The following TCF4 variants were observed in gnomAD, a reference collection of about 807,000 sequenced individuals.
TCF4 encodes the protein transcription factor 4.
A neutral mutation model predicts 82.1 loss-of-function variants in TCF4; 3 were observed. The observed-to-expected ratio is 0.04, with a 90% CI of 0.02 to 0.09. The LOEUF is 0.09. TCF4 is among the 10% of genes least tolerant of loss of function. The probability of loss-of-function intolerance (pLI) is 1.00; values close to 1 mark genes in which losing one functional copy is unlikely to be tolerated. For synonymous variants in TCF4, 276 were observed against 309.6 expected, an observed-to-expected ratio of 0.89 and a Z score of 1.14; for missense variants, 518 against 852.7, an observed-to-expected ratio of 0.61 and a Z score of 4.89.
chr18:55,564,572 T>C (rs1317256159), intron 3 of TCF4, among the ~76,000 whole-genome samples: 1 of 152,192 alleles, frequency 6.6e-6, no homozygotes, highest in Non-Finnish European at 1.5e-5. Context: ...TGTCCGGAAC[T>C]GGTTTAATCA....
At chr18:55,481,103 CAAAAAAAAAAAAAAA>C (rs74180501) in intron 3 of TCF4, among the ~76,000 whole-genome samples, 2 of 80,566 alleles carry the variant, frequency 2.5e-5, no homozygotes, top group Admixed American at 1.5e-4. Context: ...GACTCCATCT[CAAAAAAAAAAAAAAA>C]AAAAAAAAAA....
intron 6 of TCF4, among the ~76,000 whole-genome samples, chr18:55,399,041 CTAATTG>C (rs749869214): frequency 1.4e-4 from 21 of 152,186 alleles, no homozygotes; most frequent in Non-Finnish European, 2.4e-4. Context: ...TGCGCAAGGC[CTAATTG>C]GCCTCAATTG....
intron 5 of TCF4, among the ~76,000 whole-genome samples, chr18:55,453,834 C>G (rs2095676499): frequency 6.7e-6 from 1 of 149,482 alleles, no homozygotes; most frequent in Admixed American, 6.7e-5. Context: ...TATATAATTA[C>G]AAAAATATAA....
In TCF4 at chr18:55,303,470, G is replaced by A. The variant is rs1011036268; in HGVS notation, c.550-23814C>T. ...GCAACTCTAGGGAGGAATATCAGTC[G>A]AATATAAAAATCCAAGCAGACTTCC... On this transcript the variant is annotated intron_variant, in intron 8 of 19. Coordinates refer to ENST00000354452, the MANE Select transcript of TCF4 (RefSeq NM_001083962.2). Among the ~76,000 whole-genome samples, 5 of 152,126 alleles carry A rather than the reference G, an allele frequency of 3.3e-5. No homozygotes were observed. In the East Asian group the frequency reaches 5.8e-4, roughly 18 times the overall value.
intron 6 of TCF4, among the ~76,000 whole-genome samples, chr18:55,385,444 C>A (rs920147109): frequency 3.9e-5 from 6 of 152,154 alleles, no homozygotes; most frequent in African/African-American, 1.4e-4. Context: ...CTCTTGTCAC[C>A]CAGGCTGGAG....
intron 3 of TCF4, among the ~76,000 whole-genome samples, chr18:55,541,126 AT>A (rs1466494918): frequency 6.6e-6 from 1 of 152,016 alleles, no homozygotes; most frequent in Non-Finnish European, 1.5e-5. Flanking sequence ...TTCTATGCCC[AT>A]AAAGTGATAC....
chr18:55,420,899 G>GAAAAAAAAAAAAAAA (rs377458803), intron 5 of TCF4, among the ~76,000 whole-genome samples: 1 of 101,326 alleles, frequency 9.9e-6, no homozygotes. Context: ...CGCTTTAAAA[G>GAAAAAAAAAAAAAAA]AAAAAAAAAA....
At chr18:55,519,361 C>T in intron 3 of TCF4, among the ~76,000 whole-genome samples, 1 of 149,710 alleles carries the variant, frequency 6.7e-6, no homozygotes, top group Admixed American at 6.7e-5. Flanking sequence ...TTAAGCCAGG[C>T]AGGTCAAGGC....
At chr18:55,278,762 G>A (rs1229762945) in intron 9 of TCF4, among the ~76,000 whole-genome samples, 2 of 152,070 alleles carry the variant, frequency 1.3e-5, no homozygotes, top group African/African-American at 2.4e-5. Context: ...TACAGACAGG[G>A]TTTCACCATA....
At chr18:55,337,480 TGA>T (rs2078901102) in intron 8 of TCF4, among the ~76,000 whole-genome samples, 1 of 152,198 alleles carries the variant, frequency 6.6e-6, no homozygotes, top group Non-Finnish European at 1.5e-5. Flanking sequence ...AGGAAAATCT[TGA>T]GAGAGGCTAG....
At chr18:55,588,789 A>G (rs764668188), upstream of TCF4, among the ~76,000 whole-genome samples, 1 of 151,812 alleles carries the variant, frequency 6.6e-6, no homozygotes, top group Non-Finnish European at 1.5e-5. Context: ...TGAATTGCAT[A>G]CTTTCTTTCC....
chr18:55,285,066 C>G (rs1018871481), intron 8 of TCF4, among the ~76,000 whole-genome samples: 1 of 152,146 alleles, frequency 6.6e-6, no homozygotes, highest in Non-Finnish European at 1.5e-5. Context: ...TGCAGTGATA[C>G]GTCCATATTC....
intron 11 of TCF4, among the ~76,000 whole-genome samples, chr18:55,263,418 G>A (rs2058459005): frequency 6.6e-6 from 1 of 152,078 alleles, no homozygotes; most frequent in African/African-American, 2.4e-5. Flanking sequence ...TATATCTAGT[G>A]TGAAAATGAG....
intron 2 of TCF4, among the ~76,000 whole-genome samples, chr18:55,616,297 T>A (rs1246744924): frequency 6.6e-6 from 1 of 152,140 alleles, no homozygotes; most frequent in Non-Finnish European, 1.5e-5. Flanking sequence ...TGGTCACACA[T>A]GACAGGATTT....
intron 6 of TCF4, among the ~76,000 whole-genome samples, chr18:55,366,813 T>C (rs2087281419): frequency 6.6e-6 from 1 of 152,178 alleles, no homozygotes. Context: ...CTGGTGAGCA[T>C]TTTCATATGT....
chr18:55,493,866 TC>T (rs2096601463), intron 3 of TCF4, among the ~76,000 whole-genome samples: 1 of 152,032 alleles, frequency 6.6e-6, no homozygotes, highest in South Asian at 2.1e-4. Context: ...CCAATTTATT[TC>T]CCCAGGTCAA....
At chr18:55,442,115 T>G (rs551666780) in intron 5 of TCF4, among the ~76,000 whole-genome samples, 1 of 152,244 alleles carries the variant, frequency 6.6e-6, no homozygotes, top group East Asian at 1.9e-4. Flanking sequence ...TGCAAAATAG[T>G]CCATTACAAG....
intron 5 of TCF4, among the ~76,000 whole-genome samples, chr18:55,428,125 G>C (rs1481288396): frequency 2.0e-5 from 3 of 152,028 alleles, no homozygotes; most frequent in Admixed American, 2.0e-4. Flanking sequence ...AATGTCAACA[G>C]TGACCACTAA....
rs56944219 is a variant in TCF4, at chr18:55,365,966, T to TTATAGATATAGA, written c.370-14975_370-14964dup. ...TGGGACGAGCTAATTCTAAAATTGT[T>TTATAGATATAGA]TATAGATATAGATATAGATATAGAT... is the stretch of plus-strand genomic sequence containing the variant. On this transcript the variant is annotated intron_variant, in intron 6 of 19. Transcript: ENST00000354452. Among the ~76,000 whole-genome samples, 555 of 145,286 alleles carry TTATAGATATAGA rather than the reference T, an allele frequency of 3.8e-3. 5 individuals are homozygous for TTATAGATATAGA. Among genetic ancestry groups the TTATAGATATAGA allele is most frequent in the South Asian group, 0.013 (59 of 4,450 alleles).
Sources: allele counts gnomAD v4.1 joint callset (sites outside exome capture counted in the v4.1 genomes callset), GRCh38; gene constraint gnomAD v4.1.1; transcripts MANE v1.5; gene names NCBI Gene and HGNC (gene_info 2026-07-23, HGNC 2026-07-21).